Variants in CHD6 observed in about 807,000 individuals in gnomAD.
CHD6 encodes the protein ATP-dependent chromatin remodeler CHD6.
A neutral mutation model predicts 276.9 loss-of-function variants in CHD6; 50 were observed. The ratio of observed to expected loss-of-function variants is 0.18; its 90% CI spans 0.14 to 0.23. The LOEUF is 0.23. CHD6 is among the 10% of genes least tolerant of loss of function. The probability of loss-of-function intolerance (pLI) is 1.00; values close to 1 mark genes in which losing one functional copy is unlikely to be tolerated. For synonymous variants in CHD6, 1,173 were observed against 1,229.3 expected (o/e 0.95, Z 0.96); for missense variants, 2,564 against 3,365.8 (o/e 0.76, Z 5.89).
chr20:41,601,746 C>T (rs2045775443), intron 1 of CHD6, among the ~76,000 whole-genome samples: 1 of 152,214 alleles, frequency 6.6e-6, no homozygotes, highest in Admixed American at 6.5e-5. Context: ...AAGGTAATAA[C>T]AGAACCCAAA....
At chr20:41,469,556 C>T (rs1200837755) in intron 17 of CHD6, among the ~76,000 whole-genome samples, 1 of 152,210 alleles carries the variant, frequency 6.6e-6, no homozygotes, top group Non-Finnish European at 1.5e-5. Context: ...TCTCAGGCTA[C>T]TGTTATCGTC....
intron 1 of CHD6, among the ~76,000 whole-genome samples, chr20:41,587,254 C>A (rs925731607): frequency 6.6e-6 from 1 of 152,182 alleles, no homozygotes; most frequent in Admixed American, 6.5e-5. Flanking sequence ...TTAGAGACAA[C>A]TCTAATTAAG....
chr20:41,590,863 T>C (rs1490298428), intron 1 of CHD6, among the ~76,000 whole-genome samples: 1 of 151,536 alleles, frequency 6.6e-6, no homozygotes, highest in Non-Finnish European at 1.5e-5. Context: ...TTACTGGGTA[T>C]ATACCCAAAG....
At chr20:41,440,748 C>G (rs916295298) in intron 25 of CHD6, among the ~76,000 whole-genome samples, 3 of 152,084 alleles carry the variant, frequency 2.0e-5, no homozygotes, top group Non-Finnish European at 2.9e-5. Context: ...TTTTAAAAAC[C>G]CTGATTTTGT....
intron 1 of CHD6, among the ~76,000 whole-genome samples, chr20:41,560,201 A>C (rs1044775910): frequency 6.6e-6 from 1 of 152,146 alleles, no homozygotes; most frequent in Admixed American, 6.5e-5. Flanking sequence ...ATCAGATGCT[A>C]TCTCTTCAGT....
chr20:41,421,556 G>A lies in CHD6; in HGVS notation c.5079C>T (p.Asn1693=), dbSNP rs1313953480. The change falls in exon 31 of 37, where the codon AAC becomes AAT. Residue 1693 remains asparagine, a synonymous_variant. Transcript: ENST00000373233. ...ACTCAGGCAGCAGACTTTCATCATG[G>A]TTGATGGAAATGACATCCTGAACTT... ...ISKVQDVISI[N]HDESLLPESL... 2 of 1,613,078 alleles carry A rather than the reference G, an allele frequency of 1.2e-6. No individual in the cohort carries two copies. The highest frequency in any genetic ancestry group is 2.7e-5 in the African/African-American group (2 of 74,980).
At chr20:41,604,640 G>A (rs2045808932) in intron 1 of CHD6, among the ~76,000 whole-genome samples, 2 of 152,136 alleles carry the variant, frequency 1.3e-5, no homozygotes. Context: ...CCAAGTCTCA[G>A]GAAGATTTGA....
intron 34 of CHD6, chr20:41,414,594 T>C: frequency 1.6e-5 from 3 of 188,612 alleles, no homozygotes; most frequent in Non-Finnish European, 2.2e-5. Context: ...TGGCCAGGTA[T>C]ACGGTTTCTG....
intron 2 of CHD6, among the ~76,000 whole-genome samples, chr20:41,544,511 TAGC>T (rs1164984476): frequency 6.6e-6 from 1 of 152,116 alleles, no homozygotes; most frequent in Non-Finnish European, 1.5e-5. Flanking sequence ...ATTTTAAAAT[TAGC>T]AGCTTATTTC....
At position 41,564,316 on chromosome 20, in the gene CHD6, C is replaced by T. The variant is rs555212342; in HGVS notation, c.-23-12956G>A. Among the ~76,000 whole-genome samples, 4 of 152,214 alleles carry T rather than the reference C, an allele frequency of 2.6e-5. No individual in the cohort carries two copies. The South Asian group carries it at 8.3e-4, about 32-fold the overall frequency. The stretch of plus-strand genomic sequence containing the variant: ...AACTCACAACTCCCAATGTAAACTC[C>T]CTCTTGGGGGTATTTTAAAAACAGA... On this transcript the variant is annotated intron_variant, in intron 1 of 36. Coordinates refer to ENST00000373233, the MANE Select transcript of CHD6 (RefSeq NM_032221.5).
chr20:41,455,817 CT>C lies in CHD6; in HGVS notation c.2991del (p.Ser999ProfsTer19). 2 of 1,593,260 alleles carry C rather than the reference CT, an allele frequency of 1.3e-6. No homozygotes were observed. The highest frequency in any genetic ancestry group is 1.1e-5 in the South Asian group (1 of 87,276). Reference protein sequence around the residue: ...THTITIQSEGKGSTFAKASFV... With the variant: ...THTITIQSEGXGSTFAKASFV... ...CCCTGTACCTTGGCAAAAGTGGACC[CT>C]TTCCCCTCAGACTGGATGGTGATGG... On this transcript the variant is annotated frameshift_variant, in exon 19 of 37. Coordinates refer to ENST00000373233, the MANE Select transcript of CHD6 (RefSeq NM_032221.5). LOFTEE classifies it high-confidence loss of function.
chr20:41,529,949 A>G (rs2044640862), intron 3 of CHD6, among the ~76,000 whole-genome samples: 1 of 152,222 alleles, frequency 6.6e-6, no homozygotes, highest in Non-Finnish European at 1.5e-5. Flanking sequence ...CAAGGACTGA[A>G]AAATACTGGA....
At chr20:41,596,094 C>A (rs1429814681) in intron 1 of CHD6, among the ~76,000 whole-genome samples, 1 of 152,188 alleles carries the variant, frequency 6.6e-6, no homozygotes, top group Non-Finnish European at 1.5e-5. Flanking sequence ...CACCATATAA[C>A]CCTGCCCTGC....
chr20:41,422,466 C>T, intron 30 of CHD6, among the ~76,000 whole-genome samples: 1 of 151,704 alleles, frequency 6.6e-6, no homozygotes, highest in Non-Finnish European at 1.5e-5. Flanking sequence ...AAGTGAGACC[C>T]CACCCCCCAT....
At chr20:41,423,734 T>G in intron 29 of CHD6, 34 bp from the exon 30 acceptor site, 2 of 1,548,020 alleles carry the variant, frequency 1.3e-6, no homozygotes, top group Non-Finnish European at 1.8e-6. Context: ...GAGTGAGCTC[T>G]TTCTTCTTTT....
At chr20:41,583,218 G>A (rs904606746) in intron 1 of CHD6, among the ~76,000 whole-genome samples, 1 of 152,116 alleles carries the variant, frequency 6.6e-6, no homozygotes, top group Non-Finnish European at 1.5e-5. Context: ...AACACACATT[G>A]AGACACTTCA....
chr20:41,583,473 A>G (rs185827160), intron 1 of CHD6, among the ~76,000 whole-genome samples: 36 of 152,314 alleles, frequency 2.4e-4, no homozygotes, highest in Admixed American at 5.9e-4. Context: ...TCAGATAATT[A>G]AAAGTTAAGA....
At chr20:41,534,344 C>A (rs549105205) in intron 2 of CHD6, among the ~76,000 whole-genome samples, 3 of 152,310 alleles carry the variant, frequency 2.0e-5, no homozygotes, top group African/African-American at 7.2e-5. Flanking sequence ...TAACAAGAGG[C>A]CTGGCATGTG....
rs368173400 is a variant in CHD6, at chr20:41,572,277, C to T, written c.-23-20917G>A. On this transcript the variant is annotated intron_variant, in intron 1 of 36. Coordinates refer to ENST00000373233, the MANE Select transcript of CHD6 (RefSeq NM_032221.5). Reference sequence around the variant, plus strand: ...TCAAAAGCGCTGTGCTTTTGCTGTTCTTGCTCTTGCTCCAAGGTCTAGTGT... The same window carrying T: ...TCAAAAGCGCTGTGCTTTTGCTGTTTTTGCTCTTGCTCCAAGGTCTAGTGT... Among the ~76,000 whole-genome samples the T allele has an allele frequency of 8.3e-4, 127 of 152,294 alleles. 1 individual carries two copies. The highest frequency in any genetic ancestry group is 2.9e-3 in the African/African-American group (121 of 41,558).
Sources: gnomAD v4.1 joint callset for allele counts (sites outside exome capture counted in the v4.1 genomes callset) on GRCh38, gnomAD v4.1.1 for gene constraint, MANE v1.5 for transcripts, NCBI Gene and HGNC (gene_info 2026-07-23, HGNC 2026-07-21) for gene names.